Variants in MMP26 observed in about 807,000 individuals in gnomAD.
MMP26 encodes matrix metalloproteinase-26.
In MMP26, 33 loss-of-function variants were observed where a neutral mutation model predicts 31.0. The ratio of observed to expected loss-of-function variants is 1.06; its 90% confidence interval spans 0.81 to 1.42. The LOEUF (loss-of-function observed/expected upper bound fraction) is 1.42, where lower values mean the gene tolerates loss of function less well. Ranked by LOEUF, MMP26 falls within the 40% of genes most tolerant of loss-of-function variation. The probability of loss-of-function intolerance (pLI) is 0.00; values close to 1 mark genes in which losing one functional copy is unlikely to be tolerated. For synonymous variants in MMP26, 122 were observed against 114.9 expected (o/e 1.06, Z -0.40); for missense variants, 347 against 316.1 (o/e 1.10, Z -0.74).
chr11:4,779,764 T>C (rs146016375), intron 2 of MMP26, among the ~76,000 whole-genome samples: 1 of 152,228 alleles, frequency 6.6e-6, no homozygotes, highest in East Asian at 1.9e-4. Flanking sequence ...AACATATTCC[T>C]TAGCTTAATG....
chr11:4,897,804 A>G (rs1589932415), intron 2 of MMP26, among the ~76,000 whole-genome samples: 1 of 151,664 alleles, frequency 6.6e-6, no homozygotes, highest in African/African-American at 2.4e-5. Flanking sequence ...ACTCATATTT[A>G]TCCTGTATGT....
intron 2 of MMP26, chr11:4,830,368 G>A (rs1849630488): frequency 6.6e-6 from 1 of 152,198 alleles, no homozygotes; most frequent in Admixed American, 6.5e-5. Flanking sequence ...TTCATGGGTT[G>A]TTCAACCTAA....
At chr11:4,720,226 T>C (rs905581583) in intron 1 of MMP26, among the ~76,000 whole-genome samples, 1 of 152,254 alleles carries the variant, frequency 6.6e-6, no homozygotes, top group African/African-American at 2.4e-5. Flanking sequence ...AATACAACTA[T>C]GCTTAATTCA....
At chr11:4,713,424 G>C (rs7942954) in intron 1 of MMP26, among the ~76,000 whole-genome samples, 3,050 of 152,156 alleles carry the variant, frequency 0.02, 119 homozygotes, top group African/African-American at 0.07. Context: ...CCTACACTCT[G>C]TGCTCCATTG....
chr11:4,925,136 A>G (rs1170863934), intron 2 of MMP26, among the ~76,000 whole-genome samples: 3 of 152,298 alleles, frequency 2.0e-5, no homozygotes, highest in African/African-American at 7.2e-5. Flanking sequence ...TGTAAGTTCT[A>G]TTCTTAGGAG....
At chr11:4,723,273 T>C in intron 1 of MMP26, 1 of 1,072,104 alleles carries the variant, frequency 9.3e-7, no homozygotes, top group South Asian at 1.3e-5. Context: ...CAGATCTCAG[T>C]CTTGTGCGCT....
At chr11:4,828,855 A>T (rs1392006933) in intron 2 of MMP26, among the ~76,000 whole-genome samples, 1 of 152,140 alleles carries the variant, frequency 6.6e-6, no homozygotes, top group Admixed American at 6.6e-5. Flanking sequence ...CTGGTCCAGT[A>T]ATAATAAAGA....
chr11:4,992,281 G>C lies in MMP26; in HGVS notation c.*39G>C. On this transcript the variant is annotated 3_prime_UTR_variant, in exon 8 of 8. Transcript: ENST00000380390. ...GACTTATTCAACCTGTCCTTTCAGG[G>C]AGTTTATTGGAGGATCAAAGAACTG... 6.3e-7 allele frequency: 1 copy of C among 1,583,864 alleles called. No individual in the cohort carries two copies. The highest frequency in any genetic ancestry group is 1.1e-5 in the South Asian group (1 of 88,078).
chr11:4,778,669 T>C (rs1302556033), intron 2 of MMP26, among the ~76,000 whole-genome samples: 2 of 152,050 alleles, frequency 1.3e-5, no homozygotes, highest in South Asian at 4.1e-4. Context: ...AAATGTTGAT[T>C]TGGGATTACA....
chr11:4,714,813 A>C (rs1847904180), intron 1 of MMP26, among the ~76,000 whole-genome samples: 1 of 151,980 alleles, frequency 6.6e-6, no homozygotes, highest in South Asian at 2.1e-4. Flanking sequence ...GTATAATAGG[A>C]AGATAATTAC....
intron 2 of MMP26, among the ~76,000 whole-genome samples, chr11:4,968,333 A>T (rs929357060): frequency 3.3e-5 from 5 of 152,086 alleles, no homozygotes; most frequent in African/African-American, 4.8e-5. Flanking sequence ...AAGCAAAATA[A>T]ACCAAATTAT....
At chr11:4,731,066 T>C (rs1165856343) in intron 1 of MMP26, among the ~76,000 whole-genome samples, 1 of 152,170 alleles carries the variant, frequency 6.6e-6, no homozygotes, top group Non-Finnish European at 1.5e-5. Flanking sequence ...TGCCTCAGCC[T>C]CTCGAGTAGC....
intron 2 of MMP26, among the ~76,000 whole-genome samples, chr11:4,812,309 A>G (rs1431273467): frequency 6.6e-6 from 1 of 152,186 alleles, no homozygotes; most frequent in Non-Finnish European, 1.5e-5. Context: ...ATAGACATAT[A>G]TAATGCATTT....
intron 2 of MMP26, among the ~76,000 whole-genome samples, chr11:4,901,755 T>C (rs1457658319): frequency 6.6e-6 from 1 of 152,204 alleles, no homozygotes; most frequent in Non-Finnish European, 1.5e-5. Flanking sequence ...ATCTCTATCC[T>C]TTCCCACCTA....
intron 2 of MMP26, among the ~76,000 whole-genome samples, chr11:4,807,273 C>T (rs571985215): frequency 1.3e-5 from 2 of 152,226 alleles, no homozygotes; most frequent in Admixed American, 6.5e-5. Context: ...AATGGTTGAA[C>T]TAATTTACAC....
intron 2 of MMP26, chr11:4,859,611 T>C (rs1220028174): frequency 1.6e-5 from 7 of 433,498 alleles, no homozygotes; most frequent in South Asian, 1.2e-4. Flanking sequence ...TCCATTCTAC[T>C]AGACCCTATT....
intron 2 of MMP26, among the ~76,000 whole-genome samples, chr11:4,934,891 T>C (rs1191028499): frequency 1.3e-5 from 2 of 151,310 alleles, no homozygotes; most frequent in South Asian, 2.1e-4. Flanking sequence ...GTTGTAGGTA[T>C]GCGGCGTTAT....
chr11:4,914,571 G>A lies in MMP26; in HGVS notation c.-144-73497G>A, dbSNP rs114842100. The A allele has an allele frequency of 1.7e-3, 1,081 of 618,630 alleles. 6 individuals are homozygous for A. In the African/African-American group the frequency reaches 0.018, roughly 10 times the overall value. The allele number at this position is 618,630 out of a possible 1,614,324, so 38.3% of individuals were successfully genotyped here. A position where few individuals can be genotyped will look rare whatever the true frequency, so the allele number is the denominator to read the frequency against. On this transcript the variant is annotated intron_variant, in intron 2 of 7. Coordinates refer to ENST00000380390, the MANE Select transcript of MMP26 (RefSeq NM_021801.5). ...CCCCCCCTGCCCTGGCCACAACAGA[G>A]TGAGGGTTCTGTAAGGACTGTAACT... is the stretch of plus-strand genomic sequence containing the variant.
At chr11:4,865,673 A>G (rs1428239217) in intron 2 of MMP26, among the ~76,000 whole-genome samples, 1 of 152,052 alleles carries the variant, frequency 6.6e-6, no homozygotes, top group Non-Finnish European at 1.5e-5. Flanking sequence ...TAGTACCAGT[A>G]GTTTTATCAG....
Sources: gnomAD v4.1 joint callset for allele counts (sites outside exome capture counted in the v4.1 genomes callset) on GRCh38, gnomAD v4.1.1 for gene constraint, MANE v1.5 for transcripts, NCBI Gene and HGNC (gene_info 2026-07-23, HGNC 2026-07-21) for gene names.